The following POC1A variants were observed in gnomAD, a reference collection of about 807,000 sequenced individuals.
POC1A encodes the protein POC1 centriolar protein A, also known as POC1 centriolar protein homolog A.
In POC1A, 34 loss-of-function variants were observed where a neutral mutation model predicts 47.8. The observed-to-expected ratio is 0.71, with a 90% CI of 0.54 to 0.95. POC1A has a LOEUF of 0.95. POC1A is among the 40% of genes least tolerant of loss of function. POC1A has a pLI of 0.00. For missense variants in POC1A, 466 were observed against 528.3 expected (o/e 0.88, Z 1.16); for synonymous variants, 177 against 207.6 (o/e 0.85, Z 1.27).
At chr3:52,092,069 C>G (rs1432618769) in intron 10 of POC1A, among the ~76,000 whole-genome samples, 1 of 152,204 alleles carries the variant, frequency 6.6e-6, no homozygotes, top group African/African-American at 2.4e-5. Flanking sequence ...TGAACAAACC[C>G]CAGCTGCTCA....
intron 7 of POC1A, among the ~76,000 whole-genome samples, chr3:52,127,394 C>CTT (rs11348693): frequency 1.4e-5 from 2 of 143,422 alleles, no homozygotes; most frequent in South Asian, 2.2e-4. Flanking sequence ...TACTTTGAAC[C>CTT]TTTTTTTTTT....
At chr3:52,137,074 C>T (rs1208278919) in intron 7 of POC1A, among the ~76,000 whole-genome samples, 1 of 152,148 alleles carries the variant, frequency 6.6e-6, no homozygotes, top group African/African-American at 2.4e-5. Flanking sequence ...AACAGGCTTA[C>T]ACCAGGGCCA....
At chr3:52,114,758 G>C (rs1703502318) in intron 9 of POC1A, among the ~76,000 whole-genome samples, 3 of 152,124 alleles carry the variant, frequency 2.0e-5, no homozygotes, top group African/African-American at 7.2e-5. Context: ...GTAAGTCCTA[G>C]GAAACATGAA....
At chr3:52,149,417 G>A (rs1698479213) in intron 3 of POC1A, 28 bp from the exon 4 acceptor site, 1 of 1,608,176 alleles carries the variant, frequency 6.2e-7, no homozygotes, top group African/African-American at 1.3e-5. Context: ...CAAGAGTAAG[G>A]AAACCCATAA....
At chr3:52,101,795 G>T (rs1241945276) in intron 9 of POC1A, among the ~76,000 whole-genome samples, 1 of 152,148 alleles carries the variant, frequency 6.6e-6, no homozygotes, top group Non-Finnish European at 1.5e-5. Flanking sequence ...AGAGAAATTA[G>T]ATATTTCTTA....
At chr3:52,101,593 C>A (rs1401750597) in intron 9 of POC1A, among the ~76,000 whole-genome samples, 1 of 152,134 alleles carries the variant, frequency 6.6e-6, no homozygotes, top group East Asian at 1.9e-4. Flanking sequence ...ATGGAAACAA[C>A]AGAAATAAGA....
intron 7 of POC1A, among the ~76,000 whole-genome samples, chr3:52,129,257 C>T (rs1292588482): frequency 6.6e-5 from 10 of 152,104 alleles, no homozygotes; most frequent in Admixed American, 3.9e-4. Flanking sequence ...CCACCCTGGG[C>T]GACAGAGCGA....
intron 10 of POC1A, among the ~76,000 whole-genome samples, chr3:52,086,712 C>T (rs1702466629): frequency 6.6e-6 from 1 of 152,248 alleles, no homozygotes; most frequent in South Asian, 2.1e-4. Context: ...TGCCTCCTGG[C>T]CTCAGCCACC....
At chr3:52,114,563 T>TC (rs982107660) in intron 9 of POC1A, among the ~76,000 whole-genome samples, 1 of 152,106 alleles carries the variant, frequency 6.6e-6, no homozygotes, top group Non-Finnish European at 1.5e-5. Context: ...ATGAGGAGAC[T>TC]CCCCCTTGCT....
intron 10 of POC1A, among the ~76,000 whole-genome samples, chr3:52,078,278 C>T (rs1054699829): frequency 2.6e-5 from 4 of 152,030 alleles, no homozygotes; most frequent in Non-Finnish European, 5.9e-5. Flanking sequence ...CCCAGCTGCC[C>T]CCACTCTGAG....
intron 6 of POC1A, among the ~76,000 whole-genome samples, chr3:52,142,698 G>A (rs548548729): frequency 2.3e-4 from 35 of 152,298 alleles, no homozygotes; most frequent in Admixed American, 4.6e-4. Context: ...CACTGTGTCC[G>A]TAGGTTTCCC....
chr3:52,082,992 G>A (rs529182574), intron 10 of POC1A, among the ~76,000 whole-genome samples: 10 of 152,288 alleles, frequency 6.6e-5, no homozygotes, highest in African/African-American at 1.9e-4. Context: ...CCCAGATGCC[G>A]TATCATCCTC....
At chr3:52,148,378 CAGA>C (rs961744558) in intron 4 of POC1A, among the ~76,000 whole-genome samples, 34 of 152,348 alleles carry the variant, frequency 2.2e-4, no homozygotes, top group African/African-American at 7.7e-4. Flanking sequence ...ATGGGGTCCC[CAGA>C]AGAACACAGC....
chr3:52,127,168 C>A (rs946523427), intron 7 of POC1A, among the ~76,000 whole-genome samples: 1 of 152,180 alleles, frequency 6.6e-6, no homozygotes, highest in Non-Finnish European at 1.5e-5. Flanking sequence ...AACAGAGAAA[C>A]AATGCCCAAT....
At chr3:52,121,624 C>T (rs956677199) in intron 9 of POC1A, among the ~76,000 whole-genome samples, 4 of 152,102 alleles carry the variant, frequency 2.6e-5, no homozygotes, top group African/African-American at 9.7e-5. Context: ...TTGGGCGAGC[C>T]GCTTCCTGTT....
chr3:52,129,380 G>A (rs1704128077), intron 7 of POC1A, among the ~76,000 whole-genome samples: 1 of 152,216 alleles, frequency 6.6e-6, no homozygotes. Flanking sequence ...TTTGGAGACT[G>A]TTCTACCCTC....
chr3:52,088,280 T>TCC (rs1702528035), intron 10 of POC1A, among the ~76,000 whole-genome samples: 1 of 152,096 alleles, frequency 6.6e-6, no homozygotes, highest in African/African-American at 2.4e-5. Flanking sequence ...CATCCACTGA[T>TCC]CCACAGTGGG....
intron 6 of POC1A, among the ~76,000 whole-genome samples, chr3:52,139,756 T>C (rs957716220): frequency 1.3e-5 from 2 of 152,142 alleles, no homozygotes; most frequent in African/African-American, 4.8e-5. Flanking sequence ...GGTGAGCAGG[T>C]GCTTAAGCTG....
At chr3:52,153,436 G>A (rs1303527699) in intron 1 of POC1A, among the ~76,000 whole-genome samples, 43 of 152,232 alleles carry the variant, frequency 2.8e-4, no homozygotes. Flanking sequence ...ATGGCCTTGT[G>A]CCCAGCTCCA....
Sources: allele counts gnomAD v4.1 joint callset (sites outside exome capture counted in the v4.1 genomes callset), GRCh38; gene constraint gnomAD v4.1.1; transcripts MANE v1.5; gene names NCBI Gene and HGNC (gene_info 2026-07-23, HGNC 2026-07-21).